The following PPARA variants were observed in gnomAD, a reference collection of about 807,000 sequenced individuals.
The protein encoded by PPARA is peroxisome proliferator activated receptor alpha, also known as peroxisome proliferator-activated receptor alpha.
PPARA carries 22 observed loss-of-function variants against 42.2 expected under a neutral mutation model. The observed-to-expected ratio is 0.52, with a 90% confidence interval of 0.37 to 0.74. The LOEUF is 0.74. Ranked by LOEUF, PPARA falls within the 30% of genes least tolerant of loss-of-function variation. PPARA has a pLI of 0.00. For missense variants in PPARA, 465 were observed against 608.2 expected, an observed-to-expected ratio of 0.76 and a Z score of 2.48; for synonymous variants, 242 against 239.3, an observed-to-expected ratio of 1.01 and a Z score of -0.10.
chr22:46,175,426 C>T (rs897302412), intron 2 of PPARA, among the ~76,000 whole-genome samples: 1 of 151,912 alleles, frequency 6.6e-6, no homozygotes, highest in Non-Finnish European at 1.5e-5. Flanking sequence ...TTATGAATGT[C>T]ACATAGGCCG....
rs1936378086 is a variant in PPARA at position 46,241,845 on chromosome 22, T to C, written c.*6465T>C. On this transcript the variant is annotated 3_prime_UTR_variant, in exon 9 of 9. Coordinates refer to ENST00000407236, the MANE Select transcript of PPARA (RefSeq NM_005036.6). The surrounding 1 kb of genome is among the most constrained non-coding windows in gnomAD (Gnocchi z 5.7). ...CAGATGGTGTCCATGTTCAATATCA[T>C]GTCTTGATGGACGCAGCTGATGACC... is the stretch of plus-strand genomic sequence containing the variant. 6.7e-6 allele frequency: 1 copy of C among 150,290 alleles called. No individual in the cohort carries two copies. Among genetic ancestry groups the C allele is most frequent in the Non-Finnish European group, 1.5e-5 (1 of 67,870 alleles). The allele number at this position is 150,290 out of a possible 1,614,324, so 9.3% of individuals were successfully genotyped here. A position where few individuals can be genotyped will look rare whatever the true frequency, so the allele number is the denominator to read the frequency against.
intron 7 of PPARA, 132 bp downstream of exon 7, chr22:46,220,146 T>C: frequency 9.5e-7 from 1 of 1,054,976 alleles, no homozygotes; most frequent in South Asian, 1.4e-5. Context: ...ACAGCGAAGA[T>C]GGAAACAGTT....
At chr22:46,226,504 T>C (rs1935465898) in intron 7 of PPARA, among the ~76,000 whole-genome samples, 1 of 152,212 alleles carries the variant, frequency 6.6e-6, no homozygotes, top group African/African-American at 2.4e-5. Flanking sequence ...TCAAAGATTC[T>C]CCTATTGCTC....
rs1189773034 is a variant in PPARA at position 46,173,174 on chromosome 22, T to C, written c.-126-3579T>C. On this transcript the variant is annotated intron_variant, in intron 2 of 8. Transcript: ENST00000407236. This position sits in a 1 kb window ranked among gnomAD's most constrained non-coding sequence, Gnocchi z 4.3. ...AATTATGTTGAGTTGCTTAAAGTCATGCTATCGGGTAGATGTTGTGGCTGT... is the reference window on the plus strand; with the variant it reads ...AATTATGTTGAGTTGCTTAAAGTCACGCTATCGGGTAGATGTTGTGGCTGT... Among the ~76,000 whole-genome samples the C allele has an allele frequency of 2.0e-5, 3 of 152,254 alleles. No individual in the cohort carries two copies. The highest frequency in any genetic ancestry group is 1.3e-4 in the Admixed American group (2 of 15,280).
chr22:46,151,849 C>T (rs980378679), intron 1 of PPARA, 39 bp from the exon 2 acceptor site: 1 of 152,278 alleles, frequency 6.6e-6, no homozygotes, highest in African/African-American at 2.4e-5. Flanking sequence ...ATCCAGAGAA[C>T]AACCGTAATC....
Position 46,177,073 on chromosome 22 carries a change from T to C in PPARA, c.-43+237T>C, listed in dbSNP as rs895312043. Reference sequence around the variant, plus strand: ...CAAATACAAAAAAATTAGCCGGGCATGGTGGCAGGCGCCTGTAGTCCCAGC... The same window carrying C: ...CAAATACAAAAAAATTAGCCGGGCACGGTGGCAGGCGCCTGTAGTCCCAGC... On this transcript the variant is annotated intron_variant, in intron 3 of 8. Transcript: ENST00000407236. 9.2e-5 allele frequency among the ~76,000 whole-genome samples: 14 copies of C among 152,206 alleles called. 1 individual carries two copies. Among genetic ancestry groups the C allele is most frequent in the South Asian group, 4.1e-4 (2 of 4,820 alleles).
Position 46,224,947 on chromosome 22 carries a change from C to A in PPARA, c.711+4933C>A, listed in dbSNP as rs976067691. ...GATCAGATGACGCAAAGCCCCATGG[C>A]TGAGCTGGAACAGGCTAGAATGCTG... On this transcript the variant is annotated intron_variant, in intron 7 of 8. Transcript: ENST00000407236. This position sits in a 1 kb window ranked among gnomAD's most constrained non-coding sequence, Gnocchi z 5.7. 2.3e-5 allele frequency among the ~76,000 whole-genome samples: 3 copies of A among 131,448 alleles called. No individual in the cohort carries two copies. Among genetic ancestry groups the A allele is most frequent in the Non-Finnish European group, 3.2e-5 (2 of 63,416 alleles). 86.2% of individuals were successfully genotyped at this position (131,448 alleles called of 152,430 possible). A position where few individuals can be genotyped will look rare whatever the true frequency, so the allele number is the denominator to read the frequency against.
intron 4 of PPARA, among the ~76,000 whole-genome samples, chr22:46,202,458 C>T (rs930066044): frequency 1.3e-5 from 2 of 151,778 alleles, no homozygotes; most frequent in African/African-American, 4.8e-5. Context: ...TAAAAGCAGG[C>T]CGGGCACGGT....
chr22:46,201,345 G>C (rs528339281), intron 4 of PPARA, among the ~76,000 whole-genome samples: 241 of 152,230 alleles, frequency 1.6e-3, no homozygotes, highest in Non-Finnish European at 3.2e-3. Context: ...CTTTGTGACC[G>C]AGCAGCTTTG....
At position 46,198,448 on chromosome 22, in the gene PPARA, C is replaced by T. The variant is rs1193512118; in HGVS notation, c.65C>T (p.Pro22Leu). Reference protein sequence around the residue: ...SPLEAGDLESPLSEEFLQEMG... With the variant: ...SPLEAGDLESLLSEEFLQEMG... ...CTCGAGGCCGGCGATCTAGAGAGCC[C>T]GTTATCTGAAGAGTTCCTGCAAGAA... Residue 22 changes from proline to leucine, a missense_variant, in exon 4 of 9, where the codon CCG (proline) becomes CTG (leucine). By Grantham distance (98) the Pro-to-Leu change is moderately conservative. Around this residue, in one of 2 missense-constraint regions of PPARA, gnomAD observed 152 missense variants for 139.1 expected, o/e 1.09. Transcript: ENST00000407236. 1 of 1,613,688 alleles carries T rather than the reference C, an allele frequency of 6.2e-7. No homozygotes were observed. Among genetic ancestry groups the T allele is most frequent in the Non-Finnish European group, 8.5e-7 (1 of 1,179,932 alleles).
intron 2 of PPARA, among the ~76,000 whole-genome samples, chr22:46,176,467 C>T (rs188188178): frequency 6.6e-6 from 1 of 152,354 alleles, no homozygotes; most frequent in African/African-American, 2.4e-5. Flanking sequence ...GCCTGGGCCA[C>T]AGAGTGAGAC....
At chr22:46,213,179 A>G (rs1934101846) in intron 4 of PPARA, among the ~76,000 whole-genome samples, 1 of 152,116 alleles carries the variant, frequency 6.6e-6, no homozygotes, top group Non-Finnish European at 1.5e-5. Flanking sequence ...CCAGCAATGA[A>G]TGGGGGTTCC....
At chr22:46,153,065 G>A (rs376427248) in intron 2 of PPARA, among the ~76,000 whole-genome samples, 2 of 151,946 alleles carry the variant, frequency 1.3e-5, no homozygotes, top group African/African-American at 2.4e-5. Flanking sequence ...CAGCCTGGGC[G>A]CCAGGGCGAG....
Position 46,167,886 on chromosome 22 carries a change from A to T in PPARA, c.-126-8867A>T, listed in dbSNP as rs867507601. 1.3e-4 allele frequency among the ~76,000 whole-genome samples: 19 copies of T among 151,964 alleles called. No homozygotes were observed. Among genetic ancestry groups the T allele is most frequent in the East Asian group, 3.9e-4 (2 of 5,186 alleles). On this transcript the variant is annotated intron_variant, in intron 2 of 8. Coordinates refer to ENST00000407236, the MANE Select transcript of PPARA (RefSeq NM_005036.6). The surrounding 1 kb of genome is among the most constrained non-coding windows in gnomAD (Gnocchi z 4.1). ...AACAAGAGTGGGTCTTTACCAAAAA[A>T]AAAAAATAAAAAGCCTGTGCCAGGC...
Position 46,191,666 on chromosome 22 carries a change from G to C in PPARA, c.-42-6676G>C, listed in dbSNP as rs1931572264. Among the ~76,000 whole-genome samples, 1 of 152,192 alleles carries C rather than the reference G, an allele frequency of 6.6e-6. No individual in the cohort carries two copies. The highest frequency in any genetic ancestry group is 6.5e-5 in the Admixed American group (1 of 15,282). ...GTGCCGCTTTGCCCTCTGGGTGACA[G>C]CAGGCTGTGGCTGCGGCGACAGAGC... On this transcript the variant is annotated intron_variant, in intron 3 of 8. Transcript: ENST00000407236. The surrounding 1 kb of genome is among the most constrained non-coding windows in gnomAD (Gnocchi z 4.6).
At chr22:46,202,588 AT>A (rs1232201897) in intron 4 of PPARA, among the ~76,000 whole-genome samples, 1 of 152,094 alleles carries the variant, frequency 6.6e-6, no homozygotes, top group Non-Finnish European at 1.5e-5. Flanking sequence ...AATAAAAAAA[AT>A]TAGCTGGGCG....
rs1928088085 is a variant in PPARA at position 46,171,797 on chromosome 22, C to T, written c.-126-4956C>T. Among the ~76,000 whole-genome samples, 1 of 152,092 alleles carries T rather than the reference C, an allele frequency of 6.6e-6. No individual in the cohort carries two copies. The highest frequency in any genetic ancestry group is 2.1e-4 in the South Asian group (1 of 4,826). ...GGAGGTCGGGGCCGTTGTGAGGACT[C>T]TGGTTTGTGTTGTGTGTGAAAGGCC... On this transcript the variant is annotated intron_variant, in intron 2 of 8. Transcript: ENST00000407236. The surrounding 1 kb of genome is among the most constrained non-coding windows in gnomAD (Gnocchi z 5.0).
chr22:46,157,098 C>G (rs1465658279), intron 2 of PPARA, among the ~76,000 whole-genome samples: 1 of 152,204 alleles, frequency 6.6e-6, no homozygotes, highest in Non-Finnish European at 1.5e-5. Context: ...CTGCCTGCAC[C>G]CCTGTTTCTG....
At position 46,157,828 on chromosome 22, in the gene PPARA, G is replaced by A. The variant is rs562483523; in HGVS notation, c.-127+5858G>A. ...ATGAAATATCGTCTGTGTTCCAGGA[G>A]GCAGGACTCATCGGAATGCTTTTAT... On this transcript the variant is annotated intron_variant, in intron 2 of 8. Transcript: ENST00000407236. 2.9e-4 allele frequency among the ~76,000 whole-genome samples: 44 copies of A among 152,282 alleles called. 1 individual carries two copies. The South Asian group carries it at 9.1e-3, about 32-fold the overall frequency.
Sources: gnomAD v4.1 joint callset for allele counts (sites outside exome capture counted in the v4.1 genomes callset) on GRCh38, gnomAD v4.1.1 for gene constraint, gnomAD v4.1.1 regional missense constraint, Gnocchi (gnomAD v3.1) non-coding constraint, MANE v1.5 for transcripts, NCBI Gene and HGNC (gene_info 2026-07-23, HGNC 2026-07-21) for gene names.